Variants in VSTM5 observed in about 807,000 individuals in gnomAD.
VSTM5 encodes the protein V-set and transmembrane domain-containing protein 5.
In VSTM5, 21 loss-of-function variants were observed where a neutral mutation model predicts 20.3. That is an observed-to-expected ratio of 1.03 (90% confidence interval 0.73 to 1.49). The LOEUF (loss-of-function observed/expected upper bound fraction) is 1.49. Among genes scored for constraint, VSTM5 ranks in the 40% most tolerant of loss-of-function variants. The pLI, the probability that VSTM5 is intolerant of heterozygous loss-of-function variation, is 0.00. For missense variants in VSTM5, 219 were observed against 250.0 expected, an observed-to-expected ratio of 0.88 and a Z score of 0.84; for synonymous variants, 100 against 102.5, an observed-to-expected ratio of 0.98 and a Z score of 0.14.
At position 93,850,575 on chromosome 11, in the gene VSTM5, C is replaced by G. The variant is rs535015729; in HGVS notation, c.-73G>C. The stretch of plus-strand genomic sequence containing the variant: ...CGCTGCAGCTCCTATGCAGCCTTCT[C>G]TCTTCCTCCGCCTCTGGCTGCCGCA... On this transcript the variant is annotated 5_prime_UTR_variant, in exon 1 of 4. Transcript: ENST00000409977. 3.9e-5 allele frequency: 42 copies of G among 1,087,704 alleles called. No homozygotes were observed. The East Asian group carries it at 1.2e-3, about 31-fold the overall frequency. 67.4% of individuals were successfully genotyped at this position (1,087,704 alleles called of 1,614,324 possible). A position where few individuals can be genotyped will look rare whatever the true frequency, so the allele number is the denominator to read the frequency against.
chr11:93,843,048 G>A (rs551851693), intron 1 of VSTM5, among the ~76,000 whole-genome samples: 4 of 151,792 alleles, frequency 2.6e-5, no homozygotes, highest in Non-Finnish European at 4.4e-5. Context: ...CTGAGATCAC[G>A]CCACTGCACT....
At chr11:93,850,298 A>G (rs958681929) in intron 1 of VSTM5, 114 bp downstream of exon 1, 46 of 864,992 alleles carry the variant, frequency 5.3e-5, no homozygotes, top group Non-Finnish European at 7.4e-5. Context: ...GCGCGCCCTC[A>G]GCCGGACAAG....
intron 1 of VSTM5, among the ~76,000 whole-genome samples, chr11:93,847,562 A>C (rs6483266): frequency 0.17 from 25,197 of 152,246 alleles, 2,504 homozygotes; most frequent in African/African-American, 0.28. Context: ...GGGATTGGAA[A>C]AAAGCAAGTT....
Position 93,820,894 on chromosome 11 carries a change from A to G in VSTM5, c.419-11T>C. 6.4e-7 allele frequency: 1 copy of G among 1,550,890 alleles called. No homozygotes were observed. The highest frequency in any genetic ancestry group is 2.4e-5 in the East Asian group (1 of 40,916). On this transcript the variant is annotated splice_polypyrimidine_tract_variant and intron_variant, in intron 2 of 3. Transcript: ENST00000409977. ...CTTCATAGAGGATCTCTATGGAGTG[A>G]GGGTGAGGGGAGGGGGAAGACAACA...
At chr11:93,823,559 G>A (rs914453538) in intron 1 of VSTM5, among the ~76,000 whole-genome samples, 2 of 152,070 alleles carry the variant, frequency 1.3e-5, no homozygotes, top group Non-Finnish European at 2.9e-5. Flanking sequence ...CCAGCCTCTG[G>A]CAACAACAGT....
chr11:93,846,977 G>C (rs1271866557), intron 1 of VSTM5, among the ~76,000 whole-genome samples: 1 of 151,860 alleles, frequency 6.6e-6, no homozygotes, highest in African/African-American at 2.4e-5. Flanking sequence ...GTGTTGGCCA[G>C]GATGGTCTCG....
At chr11:93,840,490 T>A (rs1467639979) in intron 1 of VSTM5, among the ~76,000 whole-genome samples, 1 of 152,198 alleles carries the variant, frequency 6.6e-6, no homozygotes, top group African/African-American at 2.4e-5. Flanking sequence ...GCCAAAGAAC[T>A]ATGTGAAAGA....
At chr11:93,836,788 C>T (rs1944326393) in intron 1 of VSTM5, among the ~76,000 whole-genome samples, 1 of 152,084 alleles carries the variant, frequency 6.6e-6, no homozygotes, top group African/African-American at 2.4e-5. Context: ...TATTTGGTTC[C>T]CTGTTGCAGC....
chr11:93,821,927 A>G (rs528756647), intron 1 of VSTM5: 1 of 152,628 alleles, frequency 6.6e-6, no homozygotes, highest in South Asian at 2.1e-4. Flanking sequence ...ATTTACAGCA[A>G]CAAGAACATG....
intron 1 of VSTM5, among the ~76,000 whole-genome samples, chr11:93,832,511 C>G (rs1183603235): frequency 6.7e-6 from 1 of 149,634 alleles, no homozygotes; most frequent in Non-Finnish European, 1.5e-5. Context: ...CTTTTTTGAA[C>G]AATAGTAATA....
chr11:93,829,553 T>A (rs1048028453), intron 1 of VSTM5, among the ~76,000 whole-genome samples: 2 of 151,886 alleles, frequency 1.3e-5, no homozygotes, highest in Non-Finnish European at 2.9e-5. Context: ...AAAGAAATAT[T>A]GAAGAGCAGA....
chr11:93,850,398 C>T lies in VSTM5; in HGVS notation c.91+14G>A. 3 of 1,545,144 alleles carry T rather than the reference C, an allele frequency of 1.9e-6. No homozygotes were observed. Among genetic ancestry groups the T allele is most frequent in the African/African-American group, 1.4e-5 (1 of 72,870 alleles). On this transcript the variant is annotated intron_variant, in intron 1 of 3. Coordinates refer to ENST00000409977, the MANE Select transcript of VSTM5 (RefSeq NM_001144871.2). ...CCCGCTCCCCCAGCACCCGGGGCGTCCCCCGGAGCTTACTCTGCAGACAGC... is the reference window on the plus strand; with the variant it reads ...CCCGCTCCCCCAGCACCCGGGGCGTTCCCCGGAGCTTACTCTGCAGACAGC...
At chr11:93,836,563 G>A (rs1023154765) in intron 1 of VSTM5, among the ~76,000 whole-genome samples, 1 of 140,158 alleles carries the variant, frequency 7.1e-6, no homozygotes, top group Non-Finnish European at 1.5e-5. Flanking sequence ...CTGCTCCCTC[G>A]TTTGCCTGTT....
rs150323175 is a variant in VSTM5, at chr11:93,836,337, C to T, written c.91+14075G>A. 5.7e-3 allele frequency among the ~76,000 whole-genome samples: 875 copies of T among 152,314 alleles called. 9 individuals are homozygous for T. The highest frequency in any genetic ancestry group is 0.02 in the African/African-American group (837 of 41,576). Reference sequence around the variant, plus strand: ...TATTTTGTCACCCTCCTGTTTAAAACCCTTGTCTGGCTCTCCATTGCTCTA... The same window carrying T: ...TATTTTGTCACCCTCCTGTTTAAAATCCTTGTCTGGCTCTCCATTGCTCTA... On this transcript the variant is annotated intron_variant, in intron 1 of 3. Coordinates refer to ENST00000409977, the MANE Select transcript of VSTM5 (RefSeq NM_001144871.2).
At chr11:93,844,493 C>T (rs1406208072) in intron 1 of VSTM5, among the ~76,000 whole-genome samples, 1 of 152,146 alleles carries the variant, frequency 6.6e-6, no homozygotes, top group African/African-American at 2.4e-5. Context: ...AAAGCCTTCC[C>T]AAGCTCCAAA....
intron 1 of VSTM5, among the ~76,000 whole-genome samples, chr11:93,847,360 C>T (rs1273773787): frequency 6.6e-6 from 1 of 152,170 alleles, no homozygotes; most frequent in Non-Finnish European, 1.5e-5. Context: ...TGGCTCCCTC[C>T]TCATCCCATC....
At chr11:93,833,120 G>T in intron 1 of VSTM5, among the ~76,000 whole-genome samples, 1 of 152,170 alleles carries the variant, frequency 6.6e-6, no homozygotes, top group East Asian at 1.9e-4. Context: ...TTAGTACTTA[G>T]TATGTTATAC....
chr11:93,850,008 G>A (rs1944445308), intron 1 of VSTM5, among the ~76,000 whole-genome samples: 2 of 152,238 alleles, frequency 1.3e-5, no homozygotes, highest in Admixed American at 6.5e-5. Flanking sequence ...GTAGGGGGCG[G>A]CGCACGGACT....
At chr11:93,821,535 A>AT in intron 1 of VSTM5, 1 of 574,392 alleles carries the variant, frequency 1.7e-6, no homozygotes, top group East Asian at 2.9e-5. Context: ...ACCTTTTTCC[A>AT]TTTTGAAGAC....
Sources: allele counts gnomAD v4.1 joint callset (sites outside exome capture counted in the v4.1 genomes callset), GRCh38; gene constraint gnomAD v4.1.1; transcripts MANE v1.5; gene names NCBI Gene and HGNC (gene_info 2026-07-23, HGNC 2026-07-21).